The following ZNF146 variants were observed in gnomAD, a reference collection of about 807,000 sequenced individuals.
ZNF146 encodes the protein zinc finger protein 146.
A neutral mutation model predicts 22.2 loss-of-function variants in ZNF146; 9 were observed. The ratio of observed to expected loss-of-function variants is 0.41; its 90% CI spans 0.24 to 0.71. The LOEUF is 0.71. Among genes scored for constraint, ZNF146 ranks in the 30% least tolerant of loss-of-function variants. The probability of loss-of-function intolerance (pLI) is 0.34; values close to 1 mark genes in which losing one functional copy is unlikely to be tolerated. For missense variants in ZNF146, 194 were observed against 344.8 expected (o/e 0.56, Z 3.46); for synonymous variants, 108 against 119.2 (o/e 0.91, Z 0.61).
rs1390977796 is a variant in ZNF146 at position 36,236,799 on chromosome 19, G to A, written c.359G>A (p.Arg120Lys). 6.2e-7 allele frequency: 1 copy of A among 1,613,972 alleles called. No individual in the cohort carries two copies. Among genetic ancestry groups the A allele is most frequent in the Non-Finnish European group, 8.5e-7 (1 of 1,180,038 alleles). The change falls in exon 4 of 4, where the codon AGA (arginine) becomes AAA (lysine). Residue 120 changes from arginine (R) to lysine (K), a missense_variant. Physicochemically the swap from Arg to Lys is conservative, Grantham distance 26. Around this residue, in one of 2 missense-constraint regions of ZNF146, gnomAD observed 147 missense variants for 300.1 expected, o/e 0.49. Coordinates refer to ENST00000443387, the MANE Select transcript of ZNF146 (RefSeq NM_007145.3). ...IQKSNLIRHQ[R>K]THTGEKPFVC... ...AAGTCAAACCTCATCAGACACCAGA[G>A]AACTCACACAGGAGAGAAGCCCTTT...
intron 2 of ZNF146, among the ~76,000 whole-genome samples, chr19:36,226,061 C>T (rs1230870199): frequency 1.3e-5 from 2 of 152,152 alleles, no homozygotes; most frequent in African/African-American, 2.4e-5. Context: ...TGAGCCACTG[C>T]GTCCAGCCCA....
At chr19:36,216,400 G>A (rs1455577853) in intron 1 of ZNF146, among the ~76,000 whole-genome samples, 1 of 152,088 alleles carries the variant, frequency 6.6e-6, no homozygotes, top group Non-Finnish European at 1.5e-5. Context: ...TAGCACTTTG[G>A]GAGGCCGAGA....
Position 36,238,623 on chromosome 19 carries a change from CATGTT to C in ZNF146, c.*1307_*1311del, listed in dbSNP as rs1203211506. 2.4e-5 allele frequency: 4 copies of C among 167,086 alleles called. No individual in the cohort carries two copies. Among genetic ancestry groups the C allele is most frequent in the Admixed American group, 6.5e-5 (1 of 15,300 alleles). The allele number at this position is 167,086 out of a possible 1,614,324, so 10.4% of individuals were successfully genotyped here. A position where few individuals can be genotyped will look rare whatever the true frequency, so the allele number is the denominator to read the frequency against. ...ATGGGAATGCTGTATCTGTGGAAGT[CATGTT>C]ATACTGGATTCATTTCCAATTAAAT... is the stretch of plus-strand genomic sequence containing the variant. On this transcript the variant is annotated 3_prime_UTR_variant, in exon 4 of 4. Transcript: ENST00000443387.
intron 2 of ZNF146, among the ~76,000 whole-genome samples, chr19:36,218,847 C>T (rs1279547244): frequency 1.3e-5 from 2 of 149,622 alleles, no homozygotes; most frequent in Non-Finnish European, 3.0e-5. Flanking sequence ...CTCGGTTTGT[C>T]GCCCAGGCTG....
chr19:36,236,993 G>A lies in ZNF146; in HGVS notation c.553G>A (p.Glu185Lys). Residue 185 changes from glutamate (E) to lysine (K), a missense_variant, in exon 4 of 4, where the codon GAA becomes AAA. Glu to Lys is a moderately conservative substitution (Grantham distance 56). This residue lies in a region of ZNF146 where 147 missense variants were observed against 300.1 expected (regional missense o/e 0.49). Transcript: ENST00000443387. ...CATTCACACTGGAGAGAAACCCTAT[G>A]AATGTAACGAATGTGGAAAAGCCTT... is the stretch of plus-strand genomic sequence containing the variant. Reference protein sequence around the residue: ...QNIHTGEKPYECNECGKAFSQ... With the variant: ...QNIHTGEKPYKCNECGKAFSQ... The A allele has an allele frequency of 6.2e-7, 1 of 1,614,194 alleles. No homozygotes were observed. The highest frequency in any genetic ancestry group is 8.5e-7 in the Non-Finnish European group (1 of 1,180,026).
chr19:36,230,334 C>G (rs1977272290), intron 3 of ZNF146, among the ~76,000 whole-genome samples: 2 of 152,138 alleles, frequency 1.3e-5, no homozygotes, highest in African/African-American at 4.8e-5. Context: ...TGTCAGCTAT[C>G]AAAACAGTCA....
At chr19:36,220,855 C>CTT (rs61343359) in intron 2 of ZNF146, among the ~76,000 whole-genome samples, 55 of 142,272 alleles carry the variant, frequency 3.9e-4, no homozygotes, top group Middle Eastern at 3.7e-3. Flanking sequence ...TAAAATGCAT[C>CTT]TTTTTTTTTT....
At position 36,235,956 on chromosome 19, in the gene ZNF146, C is replaced by G; in HGVS notation, c.-485C>G. On this transcript the variant is annotated 5_prime_UTR_variant, in exon 4 of 4. Coordinates refer to ENST00000443387, the MANE Select transcript of ZNF146 (RefSeq NM_007145.3). Reference sequence around the variant, plus strand: ...GCTTACTCCTTATGGTATTAACCCCCTTTAAGTGTAAATGTCTTTGGTTTA... The same window carrying G: ...GCTTACTCCTTATGGTATTAACCCCGTTTAAGTGTAAATGTCTTTGGTTTA... 1 of 155,762 alleles carries G rather than the reference C, an allele frequency of 6.4e-6. No homozygotes were observed. Among genetic ancestry groups the G allele is most frequent in the South Asian group, 1.9e-4 (1 of 5,132 alleles). The allele number at this position is 155,762 out of a possible 1,614,324, so 9.6% of individuals were successfully genotyped here.
chr19:36,231,408 C>T (rs1977364452), intron 3 of ZNF146, among the ~76,000 whole-genome samples: 1 of 152,092 alleles, frequency 6.6e-6, no homozygotes, highest in Non-Finnish European at 1.5e-5. Context: ...CAGTTTTCAC[C>T]ATGTTGGCCA....
intron 2 of ZNF146, among the ~76,000 whole-genome samples, chr19:36,218,475 CT>C (rs756776418): frequency 2.0e-3 from 287 of 144,930 alleles, no homozygotes; most frequent in Middle Eastern, 3.5e-3. Flanking sequence ...ATTAATATTT[CT>C]TTTTTTTTTT....
chr19:36,218,229 T>A (rs1477151581), intron 2 of ZNF146, 34 bp downstream of exon 2: 1 of 152,018 alleles, frequency 6.6e-6, no homozygotes, highest in Non-Finnish European at 1.5e-5. Flanking sequence ...CAGTTGCTCA[T>A]TTCATAGTAT....
chr19:36,233,804 A>ATTCC (rs1276449888), intron 3 of ZNF146, among the ~76,000 whole-genome samples: 1 of 152,204 alleles, frequency 6.6e-6, no homozygotes, highest in Non-Finnish European at 1.5e-5. Flanking sequence ...CCAGCTTTAC[A>ATTCC]CGGAGACATT....
Position 36,237,032 on chromosome 19 carries a change from T to A in ZNF146, c.592T>A (p.Ser198Thr). The A allele has an allele frequency of 1.9e-6, 3 of 1,614,182 alleles. No homozygotes were observed. The highest frequency in any genetic ancestry group is 2.5e-6 in the Non-Finnish European group (3 of 1,180,022). ...ECGKAFSQRT[S>T]LIVHVRIHSG... is the part of the protein sequence containing the mutation. Reference sequence around the variant, plus strand: ...TGGAAAAGCCTTCTCTCAGCGAACATCACTTATTGTACATGTGAGGATTCA... The same window carrying A: ...TGGAAAAGCCTTCTCTCAGCGAACAACACTTATTGTACATGTGAGGATTCA... Residue 198 changes from serine (S) to threonine (T), a missense_variant, in exon 4 of 4, where the codon TCA becomes ACA. Around this residue, in one of 2 missense-constraint regions of ZNF146, gnomAD observed 147 missense variants for 300.1 expected, o/e 0.49. Coordinates refer to ENST00000443387, the MANE Select transcript of ZNF146 (RefSeq NM_007145.3).
chr19:36,218,224 G>T (rs1456762050), intron 2 of ZNF146, 29 bp downstream of exon 2: 1 of 151,336 alleles, frequency 6.6e-6, no homozygotes, highest in African/African-American at 2.4e-5. Context: ...GGCCTCAGTT[G>T]CTCATTTCAT....
chr19:36,216,429 T>G (rs1244436249), intron 1 of ZNF146, among the ~76,000 whole-genome samples: 1 of 151,912 alleles, frequency 6.6e-6, no homozygotes, highest in Non-Finnish European at 1.5e-5. Flanking sequence ...TTACCTGAGA[T>G]CAGGAGTTCG....
rs1185106261 is a variant in ZNF146 at position 36,237,381 on chromosome 19, C to T, written c.*62C>T. On this transcript the variant is annotated 3_prime_UTR_variant, in exon 4 of 4. Transcript: ENST00000443387. ...ATTAGAAATTTGCACCTCATCATGC[C>T]CCAGAAATAATCCTTCTGAAGCAAA... is the stretch of plus-strand genomic sequence containing the variant. 7.2e-6 allele frequency: 11 copies of T among 1,519,722 alleles called. No homozygotes were observed. The highest frequency in any genetic ancestry group is 9.7e-6 in the Non-Finnish European group (11 of 1,134,772). The allele number at this position is 1,519,722 out of a possible 1,614,324, so 94.1% of individuals were successfully genotyped here. A position where few individuals can be genotyped will look rare whatever the true frequency, so the allele number is the denominator to read the frequency against.
At position 36,237,459 on chromosome 19, in the gene ZNF146, G is replaced by A. The variant is rs1977686283; in HGVS notation, c.*140G>A. On this transcript the variant is annotated 3_prime_UTR_variant, in exon 4 of 4. Transcript: ENST00000443387. ...AGTACTAAAAACTTAAGGGACACCAGAAAATTTGTACTGAAGAGAAAGACA... is the reference window on the plus strand; with the variant it reads ...AGTACTAAAAACTTAAGGGACACCAAAAAATTTGTACTGAAGAGAAAGACA... 1.9e-6 allele frequency: 2 copies of A among 1,046,780 alleles called. No individual in the cohort carries two copies. The highest frequency in any genetic ancestry group is 3.2e-5 in the African/African-American group (2 of 61,896). 64.8% of individuals were successfully genotyped at this position (1,046,780 alleles called of 1,614,324 possible). A position where few individuals can be genotyped will look rare whatever the true frequency, so the allele number is the denominator to read the frequency against.
chr19:36,227,068 A>C (rs749882805), intron 2 of ZNF146, among the ~76,000 whole-genome samples: 4 of 150,630 alleles, frequency 2.7e-5, no homozygotes, highest in Non-Finnish European at 4.4e-5. Context: ...GGGCAACAAG[A>C]GTAAAACTCC....
At chr19:36,215,617 A>G (rs1487121025) in intron 1 of ZNF146, among the ~76,000 whole-genome samples, 1 of 152,116 alleles carries the variant, frequency 6.6e-6, no homozygotes, top group African/African-American at 2.4e-5. Context: ...TTTTATATAA[A>G]AGCATTTCTT....
Sources: allele counts gnomAD v4.1 joint callset (sites outside exome capture counted in the v4.1 genomes callset), GRCh38; gene constraint gnomAD v4.1.1; regional missense constraint gnomAD v4.1.1; transcripts MANE v1.5; gene names NCBI Gene and HGNC (gene_info 2026-07-23, HGNC 2026-07-21).